SPATS2: variants seen among roughly 807,000 people sequenced by gnomAD.
SPATS2 encodes spermatogenesis associated serine rich 2, also known as spermatogenesis-associated serine-rich protein 2.
In SPATS2, 38 loss-of-function variants were observed where a neutral mutation model predicts 63.7. The observed-to-expected ratio is 0.60, with a 90% CI of 0.46 to 0.78. The LOEUF (loss-of-function observed/expected upper bound fraction) is 0.78, where lower values mean the gene tolerates loss of function less well. Ranked by LOEUF, SPATS2 falls within the 30% of genes least tolerant of loss-of-function variation. The pLI, the probability that SPATS2 is intolerant of heterozygous loss-of-function variation, is 0.00. For synonymous variants in SPATS2, 207 were observed against 232.9 expected, an observed-to-expected ratio of 0.89 and a Z score of 1.01; for missense variants, 588 against 666.2, an observed-to-expected ratio of 0.88 and a Z score of 1.29.
intron 9 of SPATS2, chr12:49,512,877 T>C: frequency 7.8e-7 from 1 of 1,289,198 alleles, no homozygotes; most frequent in Non-Finnish European, 1.0e-6. Context: ...CCAATGCTGC[T>C]AGAGTTCTTG....
chr12:49,501,833 G>A (rs537062487), intron 9 of SPATS2, among the ~76,000 whole-genome samples: 16 of 152,050 alleles, frequency 1.1e-4, no homozygotes, highest in South Asian at 2.1e-4. Context: ...TGGCCAGGCC[G>A]GTCTCGAACT....
At position 49,397,490 on chromosome 12, in the gene SPATS2, C is replaced by T. The variant is rs553459189; in HGVS notation, c.-244+26200C>T. On this transcript the variant is annotated intron_variant, in intron 2 of 13. Coordinates refer to ENST00000552918, the MANE Select transcript of SPATS2 (RefSeq NM_023071.4). Reference sequence around the variant, plus strand: ...TTGTTTTGCTCACTAGTATATTCCCCAGTGCCTAGTATAGAATCTGGCATA... The same window carrying T: ...TTGTTTTGCTCACTAGTATATTCCCTAGTGCCTAGTATAGAATCTGGCATA... Among the ~76,000 whole-genome samples the T allele has an allele frequency of 9.9e-5, 15 of 152,204 alleles. 1 individual carries two copies. The South Asian group carries it at 2.9e-3, about 29-fold the overall frequency.
intron 2 of SPATS2, among the ~76,000 whole-genome samples, chr12:49,404,014 T>C (rs543245189): frequency 6.9e-4 from 105 of 152,318 alleles, no homozygotes; most frequent in African/African-American, 2.5e-3. Context: ...GATTCATTCG[T>C]TCCAGTGGAT....
chr12:49,396,224 G>A (rs1375201716), intron 2 of SPATS2, among the ~76,000 whole-genome samples: 1 of 152,190 alleles, frequency 6.6e-6, no homozygotes, highest in Non-Finnish European at 1.5e-5. Flanking sequence ...TACCCCTCAA[G>A]ATCCTGATTT....
At chr12:49,430,787 A>G (rs1330369840) in intron 2 of SPATS2, among the ~76,000 whole-genome samples, 3 of 150,800 alleles carry the variant, frequency 2.0e-5, no homozygotes, top group Non-Finnish European at 4.5e-5. Flanking sequence ...TTTAGCCTCC[A>G]CCTCCTGGGT....
At chr12:49,465,200 G>T (rs889052857) in intron 3 of SPATS2, among the ~76,000 whole-genome samples, 1 of 152,152 alleles carries the variant, frequency 6.6e-6, no homozygotes, top group Non-Finnish European at 1.5e-5. Context: ...ATGTGGACAT[G>T]TGTTTGCATT....
At chr12:49,405,136 T>C (rs142584939) in intron 2 of SPATS2, among the ~76,000 whole-genome samples, 2 of 152,310 alleles carry the variant, frequency 1.3e-5, no homozygotes, top group African/African-American at 4.8e-5. Flanking sequence ...CCCATTATTA[T>C]TATTTCATTG....
chr12:49,503,791 G>C (rs1031903217), intron 9 of SPATS2, among the ~76,000 whole-genome samples: 17 of 152,180 alleles, frequency 1.1e-4, no homozygotes, highest in Non-Finnish European at 1.8e-4. Context: ...GCTTGAACCA[G>C]CAGGAAACGC....
intron 2 of SPATS2, among the ~76,000 whole-genome samples, chr12:49,393,457 T>C (rs1021452708): frequency 6.6e-6 from 1 of 152,138 alleles, no homozygotes; most frequent in Non-Finnish European, 1.5e-5. Flanking sequence ...TAAAGAAGAC[T>C]TTTTCCTTCA....
chr12:49,513,732 T>A (rs11613171), intron 9 of SPATS2, among the ~76,000 whole-genome samples: 13,428 of 152,226 alleles, frequency 0.088, 699 homozygotes, highest in African/African-American at 0.13. Context: ...GGTGCAACCA[T>A]GGTCAGCTGT....
chr12:49,413,723 T>C (rs1333786861), intron 2 of SPATS2, among the ~76,000 whole-genome samples: 2 of 152,272 alleles, frequency 1.3e-5, no homozygotes, highest in East Asian at 1.9e-4. Context: ...TACTCAGATA[T>C]GGTTCCTTGG....
chr12:49,498,085 C>T (rs1192598991), intron 8 of SPATS2, among the ~76,000 whole-genome samples: 2 of 146,424 alleles, frequency 1.4e-5, no homozygotes. Flanking sequence ...GTTCTGGTAG[C>T]CCTCAGCCTG....
intron 2 of SPATS2, among the ~76,000 whole-genome samples, chr12:49,398,683 A>G (rs1283708540): frequency 6.6e-6 from 1 of 152,190 alleles, no homozygotes; most frequent in Non-Finnish European, 1.5e-5. Flanking sequence ...AATTGATGGT[A>G]TATTTACTTG....
intron 4 of SPATS2, 139 bp from the exon 5 acceptor site, chr12:49,489,326 T>C: frequency 1.8e-6 from 1 of 544,978 alleles, no homozygotes; most frequent in East Asian, 3.1e-5. Flanking sequence ...GAGATGCTTG[T>C]ATGTACTGTC....
chr12:49,426,483 T>G (rs1348454897), intron 2 of SPATS2, among the ~76,000 whole-genome samples: 2 of 152,220 alleles, frequency 1.3e-5, no homozygotes, highest in African/African-American at 4.8e-5. Flanking sequence ...TGACATTCTT[T>G]GCTTAGCATT....
intron 2 of SPATS2, among the ~76,000 whole-genome samples, chr12:49,393,499 G>GT (rs1434778789): frequency 6.6e-6 from 1 of 152,064 alleles, no homozygotes; most frequent in Non-Finnish European, 1.5e-5. Flanking sequence ...AATATGGTTT[G>GT]TACAGGAAGG....
intron 10 of SPATS2, among the ~76,000 whole-genome samples, chr12:49,516,204 T>TATATATATATATAAATAA (rs764472141): frequency 2.8e-5 from 2 of 70,734 alleles, no homozygotes; most frequent in African/African-American, 1.1e-4. Flanking sequence ...TATATATATA[T>TATATATATATATAAATAA]ATATAAATCA....
intron 9 of SPATS2, among the ~76,000 whole-genome samples, chr12:49,504,016 A>G (rs903878189): frequency 1.3e-5 from 2 of 152,236 alleles, no homozygotes; most frequent in Admixed American, 1.3e-4. Flanking sequence ...GATTGAGTTT[A>G]TAAACCACCT....
intron 2 of SPATS2, among the ~76,000 whole-genome samples, chr12:49,458,478 G>C (rs1028290627): frequency 6.6e-6 from 1 of 150,466 alleles, no homozygotes. Flanking sequence ...CCAGAAAAAG[G>C]AAAAGAAAAA....
Sources: gnomAD v4.1 joint callset for allele counts (sites outside exome capture counted in the v4.1 genomes callset) on GRCh38, gnomAD v4.1.1 for gene constraint, MANE v1.5 for transcripts, NCBI Gene and HGNC (gene_info 2026-07-23, HGNC 2026-07-21) for gene names.